KMT2B: variants seen among roughly 807,000 people sequenced by gnomAD.
KMT2B encodes the protein histone-lysine N-methyltransferase 2B.
A neutral mutation model predicts 255.3 loss-of-function variants in KMT2B; 22 were observed. That is an observed-to-expected ratio of 0.09 (90% CI 0.06 to 0.12). The LOEUF is 0.12. Among genes scored for constraint, KMT2B ranks in the 10% least tolerant of loss-of-function variants. The pLI is 1.00. For synonymous variants in KMT2B, 1,730 were observed against 1,498.1 expected, an observed-to-expected ratio of 1.15 and a Z score of -3.57; for missense variants, 3,149 against 3,737.0, an observed-to-expected ratio of 0.84 and a Z score of 4.10.
rs1171140764 is a variant in KMT2B, at chr19:35,736,489, GC to G, written c.7160-199del. ...ACCCAAGAAGTCCTGCAGAAGAGGA[GC>G]CGCAGGCTCCTTAGGGGAAGAAATG... is the stretch of plus-strand genomic sequence containing the variant. On this transcript the variant is annotated intron_variant, in intron 30 of 36. Transcript: ENST00000420124. The G allele has an allele frequency of 4.8e-6, 3 of 621,356 alleles. No individual in the cohort carries two copies. The African/African-American group carries it at 5.5e-5, about 11-fold the overall frequency. The allele number at this position is 621,356 out of a possible 1,614,324, so 38.5% of individuals were successfully genotyped here.
chr19:35,726,392 AG>A, intron 14 of KMT2B, 39 bp downstream of exon 14: 1 of 1,369,088 alleles, frequency 7.3e-7, no homozygotes, highest in Non-Finnish European at 1.0e-6. Context: ...TGGGGGCCAC[AG>A]GGGAATGGCC....
At position 35,719,938 on chromosome 19, in the gene KMT2B, C is replaced by G. The variant is rs755902904; in HGVS notation, c.591C>G (p.Leu197=). 4 of 1,613,472 alleles carry G rather than the reference C, an allele frequency of 2.5e-6. No individual in the cohort carries two copies. The highest frequency in any genetic ancestry group is 3.4e-6 in the Non-Finnish European group (4 of 1,179,878). The change falls in exon 3 of 37, where the codon CTC becomes CTG. Residue 197 remains leucine, a synonymous_variant. Transcript: ENST00000420124. ...TGGTGCAGGCACTGACTGAACTTCT[C>G]CGGCGGGCCCAGGCACCCCAAGCAC... ...ERMVQALTEL[L]RRAQAPQAPR...
At position 35,720,143 on chromosome 19, in the gene KMT2B, T is replaced by C; in HGVS notation, c.796T>C (p.Trp266Arg). Residue 266 changes from tryptophan to arginine, a missense_variant, in exon 3 of 37, where the codon TGG (tryptophan) becomes CGG (arginine). Physicochemically the swap from Trp to Arg is moderately radical, Grantham distance 101. This residue lies in a region of KMT2B where 1,188 missense variants were observed against 1,106.4 expected (regional missense o/e 1.07). Transcript: ENST00000420124. The part of the protein sequence containing the change: ...VVPVKHQTGS[W>R]KCKEGPGPGP... Reference sequence around the variant, plus strand: ...TCCAGTGAAACATCAGACTGGCAGCTGGAAATGCAAGGAGGGGCCCGGTCC... The same window carrying C: ...TCCAGTGAAACATCAGACTGGCAGCCGGAAATGCAAGGAGGGGCCCGGTCC... 1 of 1,599,504 alleles carries C rather than the reference T, an allele frequency of 6.3e-7. No individual in the cohort carries two copies. The highest frequency in any genetic ancestry group is 8.5e-7 in the Non-Finnish European group (1 of 1,173,430).
At position 35,721,145 on chromosome 19, in the gene KMT2B, A is replaced by G. The variant is rs1969182190; in HGVS notation, c.1798A>G (p.Arg600Gly). 1.3e-6 allele frequency: 2 copies of G among 1,599,022 alleles called. No individual in the cohort carries two copies. Among genetic ancestry groups the G allele is most frequent in the African/African-American group, 2.7e-5 (2 of 73,716 alleles). Residue 600 changes from arginine (R) to glycine (G), a missense_variant, in exon 3 of 37, where the codon AGA (arginine) becomes GGA (glycine). Arg to Gly is a moderately radical substitution (Grantham distance 125). This residue lies in a region of KMT2B where 1,188 missense variants were observed against 1,106.4 expected (regional missense o/e 1.07). Coordinates refer to ENST00000420124, the MANE Select transcript of KMT2B (RefSeq NM_014727.3). ...TACCCCAGTTCCACTCCCTGAGAAG[A>G]GACGGTCCATCCTAAGGGAACCCAC... ...PSTPVPLPEK[R>G]RSILREPTFR...
At position 35,738,718 on chromosome 19, in the gene KMT2B, C is replaced by T. The variant is rs1425417125; in HGVS notation, c.*161C>T. On this transcript the variant is annotated 3_prime_UTR_variant, in exon 37 of 37. Coordinates refer to ENST00000420124, the MANE Select transcript of KMT2B (RefSeq NM_014727.3). The surrounding 1 kb of genome is among the most constrained non-coding windows in gnomAD (Gnocchi z 8.7). ...AGGTGACAAGGGCCCTGCCTCCACC[C>T]CTCCAGCCCATCCAGCAATCGCCCC... 4.0e-6 allele frequency: 3 copies of T among 744,094 alleles called. No individual in the cohort carries two copies. Among genetic ancestry groups the T allele is most frequent in the Non-Finnish European group, 6.4e-6 (3 of 468,156 alleles). 46.1% of individuals were successfully genotyped at this position (744,094 alleles called of 1,614,324 possible).
rs1301705349 is a variant in KMT2B, at chr19:35,727,083, A to G, written c.4004-73A>G. On this transcript the variant is annotated intron_variant, in intron 14 of 36. Transcript: ENST00000420124. The surrounding 1 kb of genome is among the most constrained non-coding windows in gnomAD (Gnocchi z 4.2). ...AGTGGAGGCAGCTAAGGTACTGCTA[A>G]TCCTTGAACAGAGACACTCAGGGCT... 9.3e-7 allele frequency: 1 copy of G among 1,075,644 alleles called. No individual in the cohort carries two copies. Among genetic ancestry groups the G allele is most frequent in the East Asian group, 2.6e-5 (1 of 38,746 alleles). The allele number at this position is 1,075,644 out of a possible 1,614,324, so 66.6% of individuals were successfully genotyped here.
chr19:35,731,847 C>A, intron 26 of KMT2B, 61 bp from the exon 27 acceptor site: 1 of 1,262,198 alleles, frequency 7.9e-7, no homozygotes, highest in Non-Finnish European at 1.2e-6. Context: ...AGGATGAGAG[C>A]ATGTGGGCAG....
rs761028947 is a variant in KMT2B at position 35,724,012 on chromosome 19, G to A, written c.3334+5G>A. 5.1e-6 allele frequency: 8 copies of A among 1,578,814 alleles called. No homozygotes were observed. Among genetic ancestry groups the A allele is most frequent in the African/African-American group, 1.4e-5 (1 of 73,280 alleles). The stretch of plus-strand genomic sequence containing the variant: ...GTCGGACCCCCCGAGAAAATGGTGC[G>A]AACTGCTTAATGCTTTCTCTGTTGA... On this transcript the variant is annotated splice_donor_5th_base_variant and intron_variant, in intron 8 of 36. Transcript: ENST00000420124.
rs1969961855 is a variant in KMT2B at position 35,737,436 on chromosome 19, CT to C, written c.7550+176del. On this transcript the variant is annotated intron_variant, in intron 33 of 36. Coordinates refer to ENST00000420124, the MANE Select transcript of KMT2B (RefSeq NM_014727.3). The surrounding 1 kb of genome is among the most constrained non-coding windows in gnomAD (Gnocchi z 5.3). The stretch of plus-strand genomic sequence containing the variant: ...GTGGCTCATGCCTGTAATCCCGCCA[CT>C]TTGGGAGGCCGAGGCAGGAGGATCG... The C allele has an allele frequency of 5.9e-6, 5 of 844,560 alleles. No individual in the cohort carries two copies. In the African/African-American group the frequency reaches 8.6e-5, roughly 15 times the overall value. The allele number at this position is 844,560 out of a possible 1,614,324, so 52.3% of individuals were successfully genotyped here.
At position 35,727,257 on chromosome 19, in the gene KMT2B, G is replaced by A. The variant is rs1311138959; in HGVS notation, c.4105G>A (p.Glu1369Lys). 6.2e-7 allele frequency: 1 copy of A among 1,612,920 alleles called. No homozygotes were observed. The stretch of plus-strand genomic sequence containing the variant: ...CGATCACTGGGTGCATGCCAAGTGC[G>A]AGGGGCTCTCAGGTGAGTCAGTGGA... ...QCDHWVHAKC[E>K]GLSDEDYEIL... is the part of the protein sequence containing the mutation. Residue 1369 changes from glutamate to lysine, a missense_variant, in exon 15 of 37, where the codon GAG becomes AAG. By Grantham distance (56) the Glu-to-Lys change is moderately conservative. Around this residue, in one of 18 missense-constraint regions of KMT2B, gnomAD observed 377 missense variants for 471.0 expected, o/e 0.80. Transcript: ENST00000420124. The surrounding 1 kb of genome is among the most constrained non-coding windows in gnomAD (Gnocchi z 4.2).
Position 35,733,426 on chromosome 19 carries a change from C to G in KMT2B, c.6877C>G (p.Pro2293Ala). ...CTCCGGCCGGTCCCCGCCAGCACCT[C>G]CCCCATACAAAGCCCCCCGGCTGGA... is the stretch of plus-strand genomic sequence containing the variant. ...TFSGRSPPAP[P>A]PYKAPRLDED... The change falls in exon 28 of 37, where the codon CCC becomes GCC. Residue 2293 changes from proline (P) to alanine (A), a missense_variant. This residue lies in a region of KMT2B where 897 missense variants were observed against 825.3 expected (regional missense o/e 1.09). Transcript: ENST00000420124. This position sits in a 1 kb window ranked among gnomAD's most constrained non-coding sequence, Gnocchi z 4.3. 6.4e-7 allele frequency: 1 copy of G among 1,555,018 alleles called. No individual in the cohort carries two copies. The highest frequency in any genetic ancestry group is 8.7e-7 in the Non-Finnish European group (1 of 1,149,512).
chr19:35,730,113 C>T lies in KMT2B; in HGVS notation c.5064C>T (p.Leu1688=), dbSNP rs1235117319. Residue 1688 remains leucine, a synonymous_variant, in exon 23 of 37, where the codon CTC becomes CTT. Coordinates refer to ENST00000420124, the MANE Select transcript of KMT2B (RefSeq NM_014727.3). ...TCTTCTGCCAGAAACACACTGATCTCCTGGATGGCAAGGTGGGCCAGAACT... is the reference window on the plus strand; with the variant it reads ...TCTTCTGCCAGAAACACACTGATCTTCTGGATGGCAAGGTGGGCCAGAACT... ...KKVFCQKHTD[L]LDGKEIVNPD... The T allele has an allele frequency of 6.2e-7, 1 of 1,613,628 alleles. No homozygotes were observed. Among genetic ancestry groups the T allele is most frequent in the South Asian group, 1.1e-5 (1 of 90,976 alleles).
At position 35,732,964 on chromosome 19, in the gene KMT2B, G is replaced by T. The variant is rs1969770104; in HGVS notation, c.6415G>T (p.Ala2139Ser). The change falls in exon 28 of 37, where the codon GCG becomes TCG. Residue 2139 changes from alanine (A) to serine (S), a missense_variant. Ala to Ser is a moderately conservative substitution (Grantham distance 99, BLOSUM62 1). Transcript: ENST00000420124. ...CCCTAGAGAGGAGTCACTCCCCCCG[G>T]CGCCTCCCCTGGCTAATGGCAGCCA... ...AGPREESLPP[A>S]PPLANGSQPS... The T allele has an allele frequency of 6.2e-7, 1 of 1,604,762 alleles. No individual in the cohort carries two copies. Among genetic ancestry groups the T allele is most frequent in the African/African-American group, 1.3e-5 (1 of 74,774 alleles).
At position 35,733,184 on chromosome 19, in the gene KMT2B, C is replaced by A; in HGVS notation, c.6635C>A (p.Pro2212Gln). Reference sequence around the variant, plus strand: ...ATGGCTGGGGAGGGTGAACCTGTCCCACCCCCAGTGAAGCAGCCACCTTTG... The same window carrying A: ...ATGGCTGGGGAGGGTGAACCTGTCCAACCCCCAGTGAAGCAGCCACCTTTG... Reference protein sequence around the residue: ...VKMAGEGEPVPPPVKQPPLPP... With the variant: ...VKMAGEGEPVQPPVKQPPLPP... The change falls in exon 28 of 37, where the codon CCA (proline) becomes CAA (glutamine). Residue 2212 changes from proline to glutamine, a missense_variant. Physicochemically the swap from Pro to Gln is moderately conservative, Grantham distance 76. Around this residue, in one of 18 missense-constraint regions of KMT2B, gnomAD observed 897 missense variants for 825.3 expected, o/e 1.09. Coordinates refer to ENST00000420124, the MANE Select transcript of KMT2B (RefSeq NM_014727.3). The surrounding 1 kb of genome is among the most constrained non-coding windows in gnomAD (Gnocchi z 4.3). The A allele has an allele frequency of 1.3e-6, 2 of 1,552,352 alleles. No individual in the cohort carries two copies. Among genetic ancestry groups the A allele is most frequent in the Non-Finnish European group, 1.7e-6 (2 of 1,143,884 alleles).
In KMT2B at chr19:35,738,450, C is replaced by G; in HGVS notation, c.8041C>G (p.Leu2681Val). The change falls in exon 37 of 37, where the codon CTG becomes GTG. Residue 2681 changes from leucine to valine, a missense_variant. Physicochemically the swap from Leu to Val is conservative, Grantham distance 32. Coordinates refer to ENST00000420124, the MANE Select transcript of KMT2B (RefSeq NM_014727.3). The surrounding 1 kb of genome is among the most constrained non-coding windows in gnomAD (Gnocchi z 8.7). ...HIVIFALRRI[L>V]RGEELTYDYK... is the part of the protein sequence containing the mutation. The stretch of plus-strand genomic sequence containing the variant: ...TGTTATCTTCGCCCTGCGCCGCATC[C>G]TGCGTGGTGAGGAGCTCACCTACGA... The G allele has an allele frequency of 6.2e-7, 1 of 1,614,126 alleles. No homozygotes were observed. Among genetic ancestry groups the G allele is most frequent in the Non-Finnish European group, 8.5e-7 (1 of 1,179,962 alleles).
Position 35,721,762 on chromosome 19 carries a change from G to A in KMT2B, c.2415G>A (p.Lys805=), listed in dbSNP as rs1387259184. 5 of 1,604,642 alleles carry A rather than the reference G, an allele frequency of 3.1e-6. No individual in the cohort carries two copies. The highest frequency in any genetic ancestry group is 4.3e-6 in the Non-Finnish European group (5 of 1,174,272). ...AGAGAGCCAAAGTGCAGCTATTCAA[G>A]ATCGATCAGCAGCAGCAGCAGAAGG... ...LLKRAKVQLF[K]IDQQQQQKVA... Residue 805 remains lysine, a synonymous_variant, in exon 3 of 37, where the codon AAG becomes AAA. Coordinates refer to ENST00000420124, the MANE Select transcript of KMT2B (RefSeq NM_014727.3).
intron 22 of KMT2B, among the ~76,000 whole-genome samples, chr19:35,729,501 A>G (rs2062135866): frequency 6.6e-6 from 1 of 152,052 alleles, no homozygotes; most frequent in Admixed American, 6.5e-5. Context: ...GAAGTGTGGG[A>G]GTCTAAAAGT....
rs1425522497 is a variant in KMT2B, at chr19:35,732,983, G to T, written c.6434G>T (p.Gly2145Val). The T allele has an allele frequency of 4.4e-6, 7 of 1,601,768 alleles. No individual in the cohort carries two copies. Among genetic ancestry groups the T allele is most frequent in the Non-Finnish European group, 6.0e-6 (7 of 1,174,952 alleles). ...SLPPAPPLAN[G>V]SQPSQGLTAS... ...CCCCCGGCGCCTCCCCTGGCTAATGGCAGCCAGCCCTCCCAAGGCCTGACC... is the reference window on the plus strand; with the variant it reads ...CCCCCGGCGCCTCCCCTGGCTAATGTCAGCCAGCCCTCCCAAGGCCTGACC... Residue 2145 changes from glycine (G) to valine (V), a missense_variant, in exon 28 of 37, where the codon GGC becomes GTC. Transcript: ENST00000420124.
At position 35,736,678 on chromosome 19, in the gene KMT2B, T is replaced by G. The variant is rs774494074; in HGVS notation, c.7160-12T>G. ...AGGGTGATCTTCACTCCAACCTGCT[T>G]CTTGGGACCAGGTGAGGCTTCGAGC... On this transcript the variant is annotated splice_polypyrimidine_tract_variant and intron_variant, in intron 30 of 36. Coordinates refer to ENST00000420124, the MANE Select transcript of KMT2B (RefSeq NM_014727.3). 1 of 1,612,854 alleles carries G rather than the reference T, an allele frequency of 6.2e-7. No homozygotes were observed. Among genetic ancestry groups the G allele is most frequent in the Non-Finnish European group, 8.5e-7 (1 of 1,179,168 alleles).
Sources: gnomAD v4.1 joint callset for allele counts (sites outside exome capture counted in the v4.1 genomes callset) on GRCh38, gnomAD v4.1.1 for gene constraint, gnomAD v4.1.1 regional missense constraint, Gnocchi (gnomAD v3.1) non-coding constraint, MANE v1.5 for transcripts, NCBI Gene and HGNC (gene_info 2026-07-23, HGNC 2026-07-21) for gene names.